The following ACACA variants were observed in gnomAD, a reference collection of about 807,000 sequenced individuals.
The protein encoded by ACACA is acetyl-CoA carboxylase alpha.
In ACACA, 103 loss-of-function variants were observed where a neutral mutation model predicts 296.1. That is an observed-to-expected ratio of 0.35 (90% CI 0.30 to 0.41). The LOEUF is 0.41. ACACA is among the 10% of genes least tolerant of loss of function. ACACA has a pLI of 1.00. For synonymous variants in ACACA, 953 were observed against 1,038.6 expected (o/e 0.92, Z 1.58); for missense variants, 1,554 against 2,989.7 (o/e 0.52, Z 11.20).
In ACACA at chr17:37,173,811, G is replaced by C. The variant is rs181351739; in HGVS notation, c.5079+5449C>G. 4.8e-3 allele frequency among the ~76,000 whole-genome samples: 713 copies of C among 148,582 alleles called. 8 individuals carry two copies. The highest frequency in any genetic ancestry group is 0.017 in the African/African-American group (668 of 40,424). On this transcript the variant is annotated intron_variant, in intron 41 of 55. Coordinates refer to ENST00000616317, the MANE Select transcript of ACACA (RefSeq NM_198834.3). ...TAAAACCAAAATACCAGTCATGATG[G>C]CAGCTAGTCTTTTTTTTTTTCAGCC...
At chr17:37,391,857 T>C in intron 1 of ACACA, 1 of 842,656 alleles carries the variant, frequency 1.2e-6, no homozygotes, top group Non-Finnish European at 1.9e-6. Flanking sequence ...TCCTGGTTAA[T>C]GAAGGGAGAG....
intron 43 of ACACA, among the ~76,000 whole-genome samples, chr17:37,153,707 T>C (rs1234407743): frequency 6.6e-6 from 1 of 152,182 alleles, no homozygotes; most frequent in African/African-American, 2.4e-5. Flanking sequence ...ATACTTATTG[T>C]TTAACTACCT....
intron 51 of ACACA, among the ~76,000 whole-genome samples, chr17:37,112,595 GAATGTA>G (rs2074036904): frequency 6.6e-6 from 1 of 152,138 alleles, no homozygotes; most frequent in Non-Finnish European, 1.5e-5. Flanking sequence ...CCTAAGTACA[GAATGTA>G]AATAATAAGC....
chr17:37,230,210 C>A (rs1436894941), intron 25 of ACACA, among the ~76,000 whole-genome samples: 2 of 151,718 alleles, frequency 1.3e-5, no homozygotes, highest in Admixed American at 1.3e-4. Flanking sequence ...CATGGAGAAA[C>A]CCCGTCTCTA....
intron 3 of ACACA, among the ~76,000 whole-genome samples, chr17:37,311,687 A>G (rs2084151116): frequency 6.6e-6 from 1 of 152,030 alleles, no homozygotes; most frequent in African/African-American, 2.4e-5. Flanking sequence ...CAGAAGAGAA[A>G]AACAATATAG....
rs746678762 is a variant in ACACA, at chr17:37,207,618, T to C, written c.3851+39A>G. 17 of 1,612,382 alleles carry C rather than the reference T, an allele frequency of 1.1e-5. No homozygotes were observed. In the Admixed American group the frequency reaches 2.8e-4, roughly 27 times the overall value. ...TGAGACCCCAAAACACAGATGTCCA[T>C]GGCTCCCCTTGTACAGACATAGTTC... is the stretch of plus-strand genomic sequence containing the variant. On this transcript the variant is annotated intron_variant, in intron 31 of 55. Transcript: ENST00000616317.
chr17:37,166,006 C>G (rs756223301), intron 41 of ACACA, among the ~76,000 whole-genome samples: 1 of 152,132 alleles, frequency 6.6e-6, no homozygotes, highest in Non-Finnish European at 1.5e-5. Flanking sequence ...TAATTATATG[C>G]TGCCTAGGAT....
At chr17:37,299,528 TCCTTC>T in intron 3 of ACACA, 2 of 1,432,258 alleles carry the variant, frequency 1.4e-6, no homozygotes, top group South Asian at 1.6e-5. Flanking sequence ...GTTCCCAATT[TCCTTC>T]TTTCCCCACC....
At chr17:37,235,586 A>G (rs1044520133) in intron 24 of ACACA, among the ~76,000 whole-genome samples, 3 of 152,150 alleles carry the variant, frequency 2.0e-5, no homozygotes, top group African/African-American at 7.2e-5. Context: ...TCCATGTTTG[A>G]CTTGCAGAAA....
At chr17:37,255,480 A>C (rs890305836) in intron 14 of ACACA, among the ~76,000 whole-genome samples, 2 of 152,340 alleles carry the variant, frequency 1.3e-5, no homozygotes, top group African/African-American at 4.8e-5. Context: ...CATGCTAAAA[A>C]TTAAGCTAGT....
chr17:37,341,979 T>C (rs1034699222), intron 1 of ACACA, among the ~76,000 whole-genome samples: 2 of 152,092 alleles, frequency 1.3e-5, no homozygotes. Flanking sequence ...AGCTGACCTT[T>C]GGGGAAGGCT....
At position 37,097,337 on chromosome 17, in the gene ACACA, C is replaced by T. The variant is rs2073054452; in HGVS notation, c.6721-171G>A. On this transcript the variant is annotated intron_variant, in intron 53 of 55. Coordinates refer to ENST00000616317, the MANE Select transcript of ACACA (RefSeq NM_198834.3). This position sits in a 1 kb window ranked among gnomAD's most constrained non-coding sequence, Gnocchi z 4.8. Reference sequence around the variant, plus strand: ...GATGTCCCCCAGGGCAGAAATGCAGCCCACATGCCCTGCTGTCTGCAGCAC... The same window carrying T: ...GATGTCCCCCAGGGCAGAAATGCAGTCCACATGCCCTGCTGTCTGCAGCAC... Among the ~76,000 whole-genome samples the T allele has an allele frequency of 1.3e-5, 2 of 152,206 alleles. No individual in the cohort carries two copies. The highest frequency in any genetic ancestry group is 4.8e-5 in the African/African-American group (2 of 41,444).
Position 37,246,658 on chromosome 17 carries a change from C to T in ACACA, c.2460+168G>A, listed in dbSNP as rs778363228. The stretch of plus-strand genomic sequence containing the variant: ...ATCTTGCCCAGGCTAGTCTCGAACT[C>T]CTGGGCTCAAGCGATCTTCCTGCCT... On this transcript the variant is annotated intron_variant, in intron 19 of 55. Coordinates refer to ENST00000616317, the MANE Select transcript of ACACA (RefSeq NM_198834.3). Among the ~76,000 whole-genome samples, 145 of 152,108 alleles carry T rather than the reference C, an allele frequency of 9.5e-4. 1 individual carries two copies. The highest frequency in any genetic ancestry group is 1.7e-3 in the Non-Finnish European group (116 of 68,018).
At position 37,252,982 on chromosome 17, in the gene ACACA, T is replaced by C. The variant is rs2081062588; in HGVS notation, c.1881A>G (p.Thr627=). ...ELSIRGDFRT[T]VEYLIKLLET... ...CTAACAATTTGATCAGGTATTCAAC[T>C]GTAGTTCGAAAGTCACCCCGAATAG... The change falls in exon 15 of 56, where the codon ACA becomes ACG. Residue 627 remains threonine, a synonymous_variant. Coordinates refer to ENST00000616317, the MANE Select transcript of ACACA (RefSeq NM_198834.3). 1.2e-6 allele frequency: 2 copies of C among 1,614,102 alleles called. No homozygotes were observed. The highest frequency in any genetic ancestry group is 1.7e-6 in the Non-Finnish European group (2 of 1,180,044).
chr17:37,240,706 A>C, intron 23 of ACACA, 142 bp from the exon 24 acceptor site: 1 of 688,078 alleles, frequency 1.5e-6, no homozygotes, highest in South Asian at 1.7e-5. Context: ...TGAACTACAA[A>C]ATTAACTTAA....
intron 25 of ACACA, among the ~76,000 whole-genome samples, chr17:37,231,296 A>G (rs917251184): frequency 6.6e-6 from 1 of 152,174 alleles, no homozygotes; most frequent in African/African-American, 2.4e-5. Context: ...ACTTGATCTT[A>G]GAAGGCAATT....
chr17:37,252,871 TG>T lies in ACACA; in HGVS notation c.1977+14del. On this transcript the variant is annotated intron_variant, in intron 15 of 55. Transcript: ENST00000616317. ...AAAACCCAATCCCAGCATCTGTTTG[TG>T]GAGAAATACACACCTGTACTTTTTC... The T allele has an allele frequency of 6.2e-7, 1 of 1,614,078 alleles. No homozygotes were observed. The highest frequency in any genetic ancestry group is 1.7e-5 in the Admixed American group (1 of 60,020).
intron 10 of ACACA, among the ~76,000 whole-genome samples, chr17:37,268,725 CTATCTATCTATCTATCTATATATA>C (rs1475138627): frequency 1.8e-5 from 2 of 111,686 alleles, no homozygotes; most frequent in African/African-American, 8.4e-5. Context: ...ATCTATCTAT[CTATCTATCTATCTATCTATATATA>C]TATATATATA....
chr17:37,185,232 G>A (rs147021157), intron 39 of ACACA, among the ~76,000 whole-genome samples: 25 of 152,064 alleles, frequency 1.6e-4, no homozygotes, highest in African/African-American at 6.0e-4. Context: ...TTCAATAAAG[G>A]TGTTATTTAT....
Sources: gnomAD v4.1 joint callset for allele counts (sites outside exome capture counted in the v4.1 genomes callset) on GRCh38, gnomAD v4.1.1 for gene constraint, Gnocchi (gnomAD v3.1) non-coding constraint, MANE v1.5 for transcripts, NCBI Gene and HGNC (gene_info 2026-07-23, HGNC 2026-07-21) for gene names.